CNTN5: variants seen among roughly 807,000 people sequenced by gnomAD.
The protein encoded by CNTN5 is contactin 5, also known as contactin-5.
CNTN5 carries 77 observed loss-of-function variants against 129.1 expected under a neutral mutation model. That is an observed-to-expected ratio of 0.60 (90% CI 0.50 to 0.72). CNTN5 has a LOEUF of 0.72. Ranked by LOEUF, CNTN5 falls within the 30% of genes least tolerant of loss-of-function variation. The pLI is 0.00. For synonymous variants in CNTN5, 509 were observed against 465.6 expected (o/e 1.09, Z -1.20); for missense variants, 1,478 against 1,328.8 (o/e 1.11, Z -1.75).
At chr11:99,792,704 G>C (rs1388405538) in intron 3 of CNTN5, among the ~76,000 whole-genome samples, 2 of 152,042 alleles carry the variant, frequency 1.3e-5, no homozygotes, top group Admixed American at 1.3e-4. Context: ...TAGCAGCTCA[G>C]CAGCTCCTCT....
chr11:99,341,379 T>G (rs1191278474), intron 2 of CNTN5, among the ~76,000 whole-genome samples: 1 of 152,222 alleles, frequency 6.6e-6, no homozygotes, highest in Non-Finnish European at 1.5e-5. Flanking sequence ...TCATTTTATA[T>G]TATTTCAATA....
intron 1 of CNTN5, among the ~76,000 whole-genome samples, chr11:99,323,390 T>C (rs541559819): frequency 1.3e-5 from 2 of 152,236 alleles, no homozygotes; most frequent in South Asian, 4.1e-4. Context: ...ACTTGAAACT[T>C]GAGGAAGGAA....
chr11:100,342,190 T>C (rs1328954745), intron 23 of CNTN5, among the ~76,000 whole-genome samples: 1 of 96,592 alleles, frequency 1.0e-5, no homozygotes, highest in African/African-American at 4.7e-5. Context: ...CACAAGTCCA[T>C]CAGTAATGGT....
intron 19 of CNTN5, among the ~76,000 whole-genome samples, chr11:100,298,038 A>T (rs912956501): frequency 6.6e-6 from 1 of 151,490 alleles, no homozygotes; most frequent in South Asian, 2.1e-4. Context: ...TTGTCAAGGA[A>T]AAAGAGTGGA....
chr11:99,815,938 TC>T (rs915443996), intron 3 of CNTN5, among the ~76,000 whole-genome samples: 8 of 152,132 alleles, frequency 5.3e-5, no homozygotes, highest in African/African-American at 1.9e-4. Context: ...ATCTATTTCT[TC>T]AATTCCCTCC....
intron 16 of CNTN5, among the ~76,000 whole-genome samples, chr11:100,243,396 G>A (rs1949780459): frequency 6.6e-6 from 1 of 152,116 alleles, no homozygotes; most frequent in Non-Finnish European, 1.5e-5. Context: ...CAGCTACAGT[G>A]GCCCTAACTT....
intron 1 of CNTN5, among the ~76,000 whole-genome samples, chr11:99,063,588 ACATTTTAGGAAAC>A (rs1388759925): frequency 1.3e-5 from 2 of 152,016 alleles, no homozygotes; most frequent in Non-Finnish European, 2.9e-5. Flanking sequence ...GTGTACAGAA[ACATTTTAGGAAAC>A]CATACACATT....
At chr11:100,118,456 T>C (rs1189268309) in intron 13 of CNTN5, among the ~76,000 whole-genome samples, 1 of 151,926 alleles carries the variant, frequency 6.6e-6, no homozygotes, top group Non-Finnish European at 1.5e-5. Context: ...ATGACATTGA[T>C]ATAAAATGCA....
chr11:100,098,669 T>C (rs1945104969), intron 13 of CNTN5, among the ~76,000 whole-genome samples: 1 of 152,096 alleles, frequency 6.6e-6, no homozygotes, highest in Non-Finnish European at 1.5e-5. Context: ...AGCTGAGTGG[T>C]TTCTAATGTT....
At chr11:99,553,678 TA>T (rs1452648092) in intron 2 of CNTN5, among the ~76,000 whole-genome samples, 2 of 151,972 alleles carry the variant, frequency 1.3e-5, no homozygotes, top group Admixed American at 6.6e-5. Context: ...TAGCTTGATT[TA>T]ATTATACTAT....
At chr11:99,731,243 G>A (rs1302061558) in intron 3 of CNTN5, among the ~76,000 whole-genome samples, 5 of 151,742 alleles carry the variant, frequency 3.3e-5, no homozygotes, top group Non-Finnish European at 7.4e-5. Flanking sequence ...GAGTAGCTGG[G>A]ACTACAGGCG....
chr11:100,251,464 A>G (rs1949961646), intron 16 of CNTN5, among the ~76,000 whole-genome samples: 1 of 152,090 alleles, frequency 6.6e-6, no homozygotes, highest in Non-Finnish European at 1.5e-5. Flanking sequence ...ATTTAAAACT[A>G]TGGATATTGT....
At chr11:99,408,624 T>C (rs977672003) in intron 2 of CNTN5, among the ~76,000 whole-genome samples, 1 of 152,134 alleles carries the variant, frequency 6.6e-6, no homozygotes, top group African/African-American at 2.4e-5. Context: ...GGCTTCTTTA[T>C]ATGTGTAAAC....
At chr11:100,004,257 G>T (rs916422223) in intron 9 of CNTN5, among the ~76,000 whole-genome samples, 4 of 152,064 alleles carry the variant, frequency 2.6e-5, no homozygotes, top group Non-Finnish European at 5.9e-5. Flanking sequence ...AACATTCCTT[G>T]TAGAGTGTTA....
At chr11:99,950,568 G>T (rs1049911581) in intron 7 of CNTN5, among the ~76,000 whole-genome samples, 2 of 152,286 alleles carry the variant, frequency 1.3e-5, no homozygotes, top group South Asian at 2.1e-4. Context: ...TAACTTTCAG[G>T]ATCTTCGTCT....
chr11:100,112,636 C>T (rs1945693770), intron 13 of CNTN5, among the ~76,000 whole-genome samples: 2 of 152,100 alleles, frequency 1.3e-5, no homozygotes, highest in African/African-American at 4.8e-5. Flanking sequence ...TTTCACTCCT[C>T]ATAACTAGGG....
chr11:99,473,841 T>C (rs975108601), intron 2 of CNTN5, among the ~76,000 whole-genome samples: 6 of 152,014 alleles, frequency 3.9e-5, no homozygotes, highest in African/African-American at 1.4e-4. Context: ...AAAGTAAACA[T>C]TTACATTCTA....
intron 2 of CNTN5, among the ~76,000 whole-genome samples, chr11:99,526,399 A>G (rs1947486616): frequency 6.6e-6 from 1 of 152,240 alleles, no homozygotes; most frequent in African/African-American, 2.4e-5. Context: ...TTCAGAAATC[A>G]TGCTTTTTAC....
At chr11:99,197,001 G>A (rs773528961) in intron 1 of CNTN5, among the ~76,000 whole-genome samples, 1 of 151,886 alleles carries the variant, frequency 6.6e-6, no homozygotes, top group Non-Finnish European at 1.5e-5. Context: ...TGGGAATCAT[G>A]AGGGACATTG....
Sources: gnomAD v4.1 joint callset for allele counts (sites outside exome capture counted in the v4.1 genomes callset) on GRCh38, gnomAD v4.1.1 for gene constraint, MANE v1.5 for transcripts, NCBI Gene and HGNC (gene_info 2026-07-23, HGNC 2026-07-21) for gene names.